The following GRK5 variants were observed in gnomAD, a reference collection of about 807,000 sequenced individuals.
GRK5 encodes G protein-coupled receptor kinase 5.
In GRK5, 40 loss-of-function variants were observed where a neutral mutation model predicts 78.4. The ratio of observed to expected loss-of-function variants is 0.51; its 90% CI spans 0.40 to 0.66. The LOEUF is 0.66. Among genes scored for constraint, GRK5 ranks in the 30% least tolerant of loss-of-function variants. The pLI is 0.00. For missense variants in GRK5, 598 were observed against 759.9 expected (o/e 0.79, Z 2.50); for synonymous variants, 289 against 296.8 (o/e 0.97, Z 0.27).
At chr10:119,331,072 G>A (rs911922637) in intron 2 of GRK5, among the ~76,000 whole-genome samples, 1 of 152,120 alleles carries the variant, frequency 6.6e-6, no homozygotes, top group Non-Finnish European at 1.5e-5. Context: ...CTTCCACTGT[G>A]GGGGACCTGG....
chr10:119,448,428 C>T lies in GRK5; in HGVS notation c.1404+168C>T, dbSNP rs56853139. On this transcript the variant is annotated intron_variant, in intron 13 of 15. Coordinates refer to ENST00000392870, the MANE Select transcript of GRK5 (RefSeq NM_005308.3). ...TCACCTAAGCTGCAGATGAACTTCA[C>T]GCCAGGCAGTGCAGAAGAGGCGTGG... is the stretch of plus-strand genomic sequence containing the variant. Among the ~76,000 whole-genome samples, 181 of 152,332 alleles carry T rather than the reference C, an allele frequency of 1.2e-3. 10 individuals are homozygous for T. The East Asian group carries it at 0.033, about 28-fold the overall frequency.
intron 1 of GRK5, among the ~76,000 whole-genome samples, chr10:119,258,156 G>A (rs1849319052): frequency 6.6e-6 from 1 of 152,022 alleles, no homozygotes; most frequent in African/African-American, 2.4e-5. Context: ...GGCAACCACT[G>A]GTCTGCTTTT....
At chr10:119,347,213 C>T (rs79760303) in intron 2 of GRK5, among the ~76,000 whole-genome samples, 2,470 of 152,210 alleles carry the variant, frequency 0.016, 53 homozygotes, top group East Asian at 0.06. Flanking sequence ...CACAGTATTT[C>T]ATGTATGTGT....
chr10:119,282,034 C>T (rs1849771315), intron 1 of GRK5, among the ~76,000 whole-genome samples: 2 of 152,074 alleles, frequency 1.3e-5, no homozygotes, highest in Admixed American at 6.6e-5. Flanking sequence ...CCTTGGTCTG[C>T]GTCTCTTGCT....
At chr10:119,370,403 G>T (rs1851528065) in intron 2 of GRK5, among the ~76,000 whole-genome samples, 1 of 152,218 alleles carries the variant, frequency 6.6e-6, no homozygotes, top group African/African-American at 2.4e-5. Flanking sequence ...TAAAACTAGA[G>T]CCCAGAACGA....
chr10:119,421,498 G>A (rs1852568428), intron 4 of GRK5, among the ~76,000 whole-genome samples: 1 of 152,246 alleles, frequency 6.6e-6, no homozygotes, highest in Non-Finnish European at 1.5e-5. Context: ...TCTTGGCCTG[G>A]GGCTCCTCCC....
At chr10:119,340,134 G>A (rs2133783083) in intron 2 of GRK5, among the ~76,000 whole-genome samples, 1 of 152,062 alleles carries the variant, frequency 6.6e-6, no homozygotes, top group Middle Eastern at 3.4e-3. Flanking sequence ...GTTTTGTTTT[G>A]TTTTGTTTTT....
At chr10:119,268,269 C>T (rs371013206) in intron 1 of GRK5, among the ~76,000 whole-genome samples, 2 of 152,172 alleles carry the variant, frequency 1.3e-5, no homozygotes, top group Non-Finnish European at 1.5e-5. Context: ...ACACATAATT[C>T]GATTATTTTA....
At chr10:119,305,064 T>C (rs1383141071) in intron 1 of GRK5, among the ~76,000 whole-genome samples, 4 of 147,682 alleles carry the variant, frequency 2.7e-5, no homozygotes, top group Admixed American at 6.7e-5. Flanking sequence ...CTGAAAAATC[T>C]TGGGTGTCTG....
chr10:119,294,773 G>A (rs1850048665), intron 1 of GRK5, among the ~76,000 whole-genome samples: 1 of 152,194 alleles, frequency 6.6e-6, no homozygotes, highest in South Asian at 2.1e-4. Context: ...TTGGAACAGA[G>A]CCATGCCTAT....
At chr10:119,371,871 T>C (rs1313551058) in intron 2 of GRK5, among the ~76,000 whole-genome samples, 4 of 152,230 alleles carry the variant, frequency 2.6e-5, no homozygotes, top group Non-Finnish European at 5.9e-5. Flanking sequence ...GGTGCTCACA[T>C]GCGTTGTTGC....
At chr10:119,235,923 C>CA (rs1848917339) in intron 1 of GRK5, among the ~76,000 whole-genome samples, 5 of 152,174 alleles carry the variant, frequency 3.3e-5, no homozygotes, top group Admixed American at 3.3e-4. Flanking sequence ...TGGAGGTTTA[C>CA]AGCCAAGTTC....
At chr10:119,417,975 A>G (rs1341269366) in intron 4 of GRK5, among the ~76,000 whole-genome samples, 1 of 152,204 alleles carries the variant, frequency 6.6e-6, no homozygotes, top group Non-Finnish European at 1.5e-5. Flanking sequence ...GGATCCCCAG[A>G]ACCAGTGGCA....
At chr10:119,228,155 G>A (rs1228278164) in intron 1 of GRK5, among the ~76,000 whole-genome samples, 3 of 152,000 alleles carry the variant, frequency 2.0e-5, no homozygotes, top group Non-Finnish European at 2.9e-5. Flanking sequence ...GCAGCATGGT[G>A]AAACCCCATC....
rs1848596049 is a variant in GRK5, at chr10:119,217,643, G to A, written c.52+9674G>A. Among the ~76,000 whole-genome samples the A allele has an allele frequency of 6.6e-6, 1 of 152,198 alleles. No individual in the cohort carries two copies. ...GGGTGGTGGTGGTGGGGACAGTCAT[G>A]GGAGTTTAGGTGTGGGCCACATCAT... is the stretch of plus-strand genomic sequence containing the variant. On this transcript the variant is annotated intron_variant, in intron 1 of 15. Transcript: ENST00000392870. This position sits in a 1 kb window ranked among gnomAD's most constrained non-coding sequence, Gnocchi z 4.1.
chr10:119,413,370 T>C (rs1408028756), intron 4 of GRK5, among the ~76,000 whole-genome samples: 1 of 151,178 alleles, frequency 6.6e-6, no homozygotes, highest in African/African-American at 2.4e-5. Flanking sequence ...TCTATCTCCT[T>C]CTTTCCTGCT....
rs569340311 is a variant in GRK5 at position 119,270,474 on chromosome 10, G to T, written c.53-56042G>T. 1.5e-3 allele frequency among the ~76,000 whole-genome samples: 229 copies of T among 152,368 alleles called. 2 individuals carry two copies. The South Asian group carries it at 0.045, about 30-fold the overall frequency. ...ATCTAGAGATGATGTAAAGTGTATA[G>T]GAGGATATGCATGGGCTTTATACAA... On this transcript the variant is annotated intron_variant, in intron 1 of 15. Coordinates refer to ENST00000392870, the MANE Select transcript of GRK5 (RefSeq NM_005308.3).
At position 119,253,310 on chromosome 10, in the gene GRK5, T is replaced by C. The variant is rs1431028358; in HGVS notation, c.52+45341T>C. On this transcript the variant is annotated intron_variant, in intron 1 of 15. Coordinates refer to ENST00000392870, the MANE Select transcript of GRK5 (RefSeq NM_005308.3). This position sits in a 1 kb window ranked among gnomAD's most constrained non-coding sequence, Gnocchi z 5.7. ...GAACTATCTCCAGTTCAGCATTGCA[T>C]TAGAAAAGGAATTACATCAGGTCAC... Among the ~76,000 whole-genome samples the C allele has an allele frequency of 6.6e-6, 1 of 152,108 alleles. No individual in the cohort carries two copies. Among genetic ancestry groups the C allele is most frequent in the Non-Finnish European group, 1.5e-5 (1 of 68,002 alleles).
chr10:119,342,533 T>A (rs1851002009), intron 2 of GRK5, among the ~76,000 whole-genome samples: 1 of 152,198 alleles, frequency 6.6e-6, no homozygotes, highest in Non-Finnish European at 1.5e-5. Flanking sequence ...TCATGCAGCA[T>A]CTGCTTTCCC....
Sources: gnomAD v4.1 joint callset for allele counts (sites outside exome capture counted in the v4.1 genomes callset) on GRCh38, gnomAD v4.1.1 for gene constraint, Gnocchi (gnomAD v3.1) non-coding constraint, MANE v1.5 for transcripts, NCBI Gene and HGNC (gene_info 2026-07-23, HGNC 2026-07-21) for gene names.